The following TMEM14B variants were observed in gnomAD, a reference collection of about 807,000 sequenced individuals.
The protein encoded by TMEM14B is transmembrane protein 14B.
Under a neutral mutation model 14.8 loss-of-function variants are expected in TMEM14B, and 9 were observed. The observed-to-expected ratio is 0.61, with a 90% CI of 0.37 to 1.06. The LOEUF is 1.06. Ranked by LOEUF, TMEM14B falls within the 50% of genes least tolerant of loss-of-function variation. The pLI is 0.01. For missense variants in TMEM14B, 128 were observed against 143.6 expected (o/e 0.89, Z 0.56); for synonymous variants, 40 against 51.3 (o/e 0.78, Z 0.94).
Position 10,755,141 on chromosome 6 carries a change from GC to G in TMEM14B, c.204del (p.Ala69LeufsTer12). ...TTGACCCTTCTTTGTATCTTTTTCAGCCGCTACATCTGTTACTTTTGTTGGT... is the reference window on the plus strand; with the variant it reads ...TTGACCCTTCTTTGTATCTTTTTCAGCGCTACATCTGTTACTTTTGTTGGT... Reference protein sequence around the residue: ...QDPRNVWGFLAATSVTFVGVM... With the variant: ...QDPRNVWGFLXATSVTFVGVM... On this transcript the variant is annotated frameshift_variant and splice_region_variant, in exon 5 of 6. Coordinates refer to ENST00000379542, the MANE Select transcript of TMEM14B (RefSeq NM_030969.5). LOFTEE classifies it high-confidence loss of function. 1 of 1,613,378 alleles carries G rather than the reference GC, an allele frequency of 6.2e-7. No homozygotes were observed. The highest frequency in any genetic ancestry group is 8.5e-7 in the Non-Finnish European group (1 of 1,179,972).
At chr6:10,751,805 G>A (rs1029537251) in intron 4 of TMEM14B, among the ~76,000 whole-genome samples, 1 of 152,100 alleles carries the variant, frequency 6.6e-6, no homozygotes, top group Non-Finnish European at 1.5e-5. Flanking sequence ...TAAGACATGA[G>A]CATAGAAGCA....
intron 4 of TMEM14B, among the ~76,000 whole-genome samples, chr6:10,751,462 T>C (rs1015495345): frequency 6.6e-6 from 1 of 152,088 alleles, no homozygotes; most frequent in African/African-American, 2.4e-5. Flanking sequence ...TTTCCATACC[T>C]TGTGAATTGT....
At chr6:10,749,551 C>A in intron 2 of TMEM14B, 71 bp from the exon 3 acceptor site, 1 of 1,550,590 alleles carries the variant, frequency 6.4e-7, no homozygotes, top group East Asian at 2.2e-5. Context: ...TAGCCCCATC[C>A]TATGACAATA....
chr6:10,748,827 A>G lies in TMEM14B; in HGVS notation c.-44-375A>G, dbSNP rs77169150. Among the ~76,000 whole-genome samples, 1,091 of 152,310 alleles carry G rather than the reference A, an allele frequency of 7.2e-3. 12 individuals are homozygous for G. The highest frequency in any genetic ancestry group is 0.025 in the African/African-American group (1,022 of 41,570). On this transcript the variant is annotated intron_variant, in intron 1 of 5. Coordinates refer to ENST00000379542, the MANE Select transcript of TMEM14B (RefSeq NM_030969.5). ...AAAAGCAACATCCCTACCACCCCTC[A>G]AAAGAGACATTAAAGTAGTTGGATT...
intron 4 of TMEM14B, among the ~76,000 whole-genome samples, chr6:10,751,965 G>A (rs978711125): frequency 3.9e-5 from 6 of 151,964 alleles, no homozygotes; most frequent in East Asian, 1.9e-4. Context: ...GGTTCCTTGC[G>A]GTCTCTACAA....
rs1450526746 is a variant in TMEM14B, at chr6:10,749,679, C to T, written c.81C>T (p.Ile27=). Residue 27 remains isoleucine (I), a synonymous_variant, in exon 3 of 6, where the codon ATC becomes ATT. Transcript: ENST00000379542. ...CAGCACTGGTTGTTTCTGGTGGGATCGTTGGCTATGTAAAAACAGGTAGGG... is the reference window on the plus strand; with the variant it reads ...CAGCACTGGTTGTTTCTGGTGGGATTGTTGGCTATGTAAAAACAGGTAGGG... ...GYTALVVSGG[I]VGYVKTGSVP... 9.3e-6 allele frequency: 15 copies of T among 1,614,050 alleles called. No homozygotes were observed. Among genetic ancestry groups the T allele is most frequent in the Middle Eastern group, 3.3e-4 (2 of 6,084 alleles).
In TMEM14B at chr6:10,754,700, G is replaced by A. The variant is rs192781378; in HGVS notation, c.203-442G>A. Among the ~76,000 whole-genome samples, 165 of 152,378 alleles carry A rather than the reference G, an allele frequency of 1.1e-3. 1 individual carries two copies. Among genetic ancestry groups the A allele is most frequent in the Admixed American group, 6.0e-3 (92 of 15,298 alleles). On this transcript the variant is annotated intron_variant, in intron 4 of 5. Transcript: ENST00000379542. ...GAAGCATTGTAAAAGGGCAAAGACA[G>A]TTACGATTACTTTTGTATTCTCCAG...
At chr6:10,754,575 C>T (rs1255845058) in intron 4 of TMEM14B, among the ~76,000 whole-genome samples, 2 of 152,170 alleles carry the variant, frequency 1.3e-5, no homozygotes, top group Non-Finnish European at 2.9e-5. Flanking sequence ...AGGTTGATCC[C>T]CCTGTTGAGC....
chr6:10,757,149 A>G (rs945103191), downstream of TMEM14B, among the ~76,000 whole-genome samples: 4 of 151,790 alleles, frequency 2.6e-5, no homozygotes, highest in Non-Finnish European at 5.9e-5. Flanking sequence ...GCTTGTTTCA[A>G]AAATGATCTC....
intron 5 of TMEM14B, 101 bp from the exon 6 acceptor site, chr6:10,756,366 C>T (rs931347081): frequency 9.4e-6 from 13 of 1,388,738 alleles, no homozygotes; most frequent in Non-Finnish European, 1.2e-5. Flanking sequence ...TACCTCCTCC[C>T]CCACACAGTT....
chr6:10,758,034 A>G (rs545679078), downstream of TMEM14B, among the ~76,000 whole-genome samples: 1 of 151,894 alleles, frequency 6.6e-6, no homozygotes, highest in African/African-American at 2.4e-5. Context: ...ACCCTAACTG[A>G]TACTGGTTGA....
rs550530845 is a variant in TMEM14B, at chr6:10,755,713, G to C, written c.293+481G>C. 5.4e-5 allele frequency: 54 copies of C among 1,001,570 alleles called. No individual in the cohort carries two copies. The South Asian group carries it at 1.8e-3, about 33-fold the overall frequency. 62.0% of individuals were successfully genotyped at this position (1,001,570 alleles called of 1,614,324 possible). ...CTCACACCTGTAATCCAAGCACAGT[G>C]GGAGGCCATGGCGGGCATATCACTT... On this transcript the variant is annotated intron_variant, in intron 5 of 5. Coordinates refer to ENST00000379542, the MANE Select transcript of TMEM14B (RefSeq NM_030969.5).
chr6:10,753,343 A>C (rs1305523791), intron 4 of TMEM14B, among the ~76,000 whole-genome samples: 1 of 152,070 alleles, frequency 6.6e-6, no homozygotes, highest in Non-Finnish European at 1.5e-5. Context: ...TGAGGCTGCC[A>C]GTGACCTGTG....
rs879566839 is a variant in TMEM14B, at chr6:10,756,744, C to T, written c.*226C>T. 1.8e-5 allele frequency: 21 copies of T among 1,190,366 alleles called. No homozygotes were observed. The highest frequency in any genetic ancestry group is 2.6e-5 in the South Asian group (1 of 38,460). The allele number at this position is 1,190,366 out of a possible 1,614,324, so 73.7% of individuals were successfully genotyped here. A position where few individuals can be genotyped will look rare whatever the true frequency, so the allele number is the denominator to read the frequency against. ...AGCTTATTGAGACCATCATAGAGAT[C>T]GATTCTTGTATATTGATTTTATCTC... On this transcript the variant is annotated 3_prime_UTR_variant, in exon 6 of 6. Coordinates refer to ENST00000379542, the MANE Select transcript of TMEM14B (RefSeq NM_030969.5).
chr6:10,749,686 T>C lies in TMEM14B; in HGVS notation c.88T>C (p.Tyr30His), dbSNP rs1771472988. The C allele has an allele frequency of 1.2e-6, 2 of 1,614,108 alleles. No individual in the cohort carries two copies. Among genetic ancestry groups the C allele is most frequent in the Admixed American group, 3.3e-5 (2 of 60,008 alleles). ...GGTTGTTTCTGGTGGGATCGTTGGCTATGTAAAAACAGGTAGGGTTTTGTT... is the reference window on the plus strand; with the variant it reads ...GGTTGTTTCTGGTGGGATCGTTGGCCATGTAAAAACAGGTAGGGTTTTGTT... ...ALVVSGGIVG[Y>H]VKTGSVPSLA... The change falls in exon 3 of 6, where the codon TAT (tyrosine) becomes CAT (histidine). Residue 30 changes from tyrosine to histidine, a missense_variant. Coordinates refer to ENST00000379542, the MANE Select transcript of TMEM14B (RefSeq NM_030969.5).
In TMEM14B at chr6:10,749,184, C is replaced by A; in HGVS notation, c.-44-18C>A. 1 of 1,583,722 alleles carries A rather than the reference C, an allele frequency of 6.3e-7. No individual in the cohort carries two copies. ...AGCTGTGCTTTTAACCACTGCTGATCCGGCTTGTTTTCCCCAGATGCAGGC... is the reference window on the plus strand; with the variant it reads ...AGCTGTGCTTTTAACCACTGCTGATACGGCTTGTTTTCCCCAGATGCAGGC... On this transcript the variant is annotated intron_variant, in intron 1 of 5. Coordinates refer to ENST00000379542, the MANE Select transcript of TMEM14B (RefSeq NM_030969.5).
Position 10,755,016 on chromosome 6 carries a change from C to T in TMEM14B, c.203-126C>T. ...TGTGGGCAGCTAGTAATCTCCCCTA[C>T]TTGGGGAAGGAGGAATAAGCATAGG... On this transcript the variant is annotated intron_variant, in intron 4 of 5. Transcript: ENST00000379542. 5 of 1,018,964 alleles carry T rather than the reference C, an allele frequency of 4.9e-6. No individual in the cohort carries two copies. The South Asian group carries it at 6.5e-5, about 13-fold the overall frequency. 63.1% of individuals were successfully genotyped at this position (1,018,964 alleles called of 1,614,324 possible). A position where few individuals can be genotyped will look rare whatever the true frequency, so the allele number is the denominator to read the frequency against.
chr6:10,755,243 T>G lies in TMEM14B; in HGVS notation c.293+11T>G. 1 of 1,614,150 alleles carries G rather than the reference T, an allele frequency of 6.2e-7. No individual in the cohort carries two copies. Among genetic ancestry groups the G allele is most frequent in the East Asian group, 2.2e-5 (1 of 44,888 alleles). ...AATTGCAGGTGCCAGGTACTTTCAT[T>G]CTATTACTCTTCTTTACCATGTAGA... On this transcript the variant is annotated intron_variant, in intron 5 of 5. Transcript: ENST00000379542.
chr6:10,750,472 AG>A (rs1771504730), intron 3 of TMEM14B, among the ~76,000 whole-genome samples: 2 of 151,542 alleles, frequency 1.3e-5, no homozygotes, highest in South Asian at 4.2e-4. Context: ...ATTTTACTGA[AG>A]TAAAGTAGGC....
Sources: allele counts gnomAD v4.1 joint callset (sites outside exome capture counted in the v4.1 genomes callset), GRCh38; gene constraint gnomAD v4.1.1; transcripts MANE v1.5; gene names NCBI Gene and HGNC (gene_info 2026-07-23, HGNC 2026-07-21).